IL1RAPL2: variants seen among roughly 807,000 people sequenced by gnomAD.
The protein encoded by IL1RAPL2 is interleukin 1 receptor accessory protein like 2, also known as X-linked interleukin-1 receptor accessory protein-like 2.
In IL1RAPL2, 3 loss-of-function variants were observed where a neutral mutation model predicts 44.1. That is an observed-to-expected ratio of 0.07 (90% CI 0.03 to 0.18). The LOEUF is 0.18. Ranked by LOEUF, IL1RAPL2 falls within the 10% of genes least tolerant of loss-of-function variation. IL1RAPL2 has a pLI of 1.00. For missense variants in IL1RAPL2, 391 were observed against 496.4 expected, an observed-to-expected ratio of 0.79 and a Z score of 2.02; for synonymous variants, 181 against 178.8, an observed-to-expected ratio of 1.01 and a Z score of -0.10.
intron 1 of IL1RAPL2, among the ~76,000 whole-genome samples, chrX:104,576,211 C>T (rs1198240333): frequency 9.0e-6 from 1 of 111,256 alleles, no homozygotes; most frequent in Non-Finnish European, 1.9e-5. Flanking sequence ...TTTGCCTAGT[C>T]ACAAAGCTAT....
intron 9 of IL1RAPL2, among the ~76,000 whole-genome samples, chrX:105,749,811 A>C (rs958251878): frequency 2.7e-5 from 3 of 112,218 alleles, no homozygotes; most frequent in African/African-American, 9.7e-5. Flanking sequence ...ACAAACTGCC[A>C]TGTTTCCAAT....
chrX:105,767,639 G>C lies in IL1RAPL2; in HGVS notation c.2039G>C (p.Ser680Thr), dbSNP rs1569473319. The change falls in exon 11 of 11, where the codon AGC (serine) becomes ACC (threonine). Residue 680 changes from serine to threonine, a missense_variant. By Grantham distance (58) the Ser-to-Thr change is moderately conservative. Transcript: ENST00000372582. ...SLLPLSSKELSFTSDIW is the reference protein window; with the variant it reads ...SLLPLSSKELTFTSDIW Reference sequence around the variant, plus strand: ...CTGCCTTTATCCTCCAAAGAGCTTAGCTTTACCAGTGATATTTGGTAGTGA... The same window carrying C: ...CTGCCTTTATCCTCCAAAGAGCTTACCTTTACCAGTGATATTTGGTAGTGA... 8.3e-7 allele frequency: 1 copy of C among 1,203,322 alleles called. No individual in the cohort carries two copies. Among genetic ancestry groups the C allele is most frequent in the East Asian group, 3.0e-5 (1 of 33,774 alleles).
intron 5 of IL1RAPL2, among the ~76,000 whole-genome samples, chrX:105,462,078 A>T (rs773471170): frequency 9.0e-6 from 1 of 111,151 alleles, no homozygotes; most frequent in South Asian, 3.8e-4. Context: ...GCCACCATGC[A>T]AAACTTTCAT....
chrX:105,447,981 A>T (rs1306166503), intron 5 of IL1RAPL2, among the ~76,000 whole-genome samples: 1 of 102,060 alleles, frequency 9.8e-6, no homozygotes, highest in Non-Finnish European at 1.9e-5. Flanking sequence ...AAATATAAAT[A>T]TATAAATATA....
At chrX:105,272,520 T>C (rs1374499463) in intron 5 of IL1RAPL2, among the ~76,000 whole-genome samples, 1 of 112,143 alleles carries the variant, frequency 8.9e-6, no homozygotes, top group African/African-American at 3.2e-5. Context: ...CTGATTATTG[T>C]AGACAGCTCT....
chrX:104,863,587 A>G (rs1388524785), intron 2 of IL1RAPL2, among the ~76,000 whole-genome samples: 1 of 112,090 alleles, frequency 8.9e-6, no homozygotes, highest in East Asian at 2.8e-4. Context: ...AACGGTGGCC[A>G]AGTGTTCTGT....
intron 6 of IL1RAPL2, among the ~76,000 whole-genome samples, chrX:105,552,864 A>C (rs1471780211): frequency 8.9e-6 from 1 of 112,225 alleles, no homozygotes; most frequent in Non-Finnish European, 1.9e-5. Context: ...CAGTTCACAC[A>C]ATTTATTTGG....
At chrX:104,585,220 GTATATA>G (rs1928486581) in intron 1 of IL1RAPL2, among the ~76,000 whole-genome samples, 1 of 46,419 alleles carries the variant, frequency 2.2e-5, no homozygotes. Flanking sequence ...ACACATATAT[GTATATA>G]TGTGTATATA....
intron 3 of IL1RAPL2, among the ~76,000 whole-genome samples, chrX:105,216,672 T>C (rs2033861362): frequency 9.0e-6 from 1 of 110,787 alleles, no homozygotes; most frequent in Non-Finnish European, 1.9e-5. Context: ...AGAACAAAAC[T>C]GGAGGCATCA....
At chrX:105,441,801 A>G (rs1267401094) in intron 5 of IL1RAPL2, among the ~76,000 whole-genome samples, 1 of 110,992 alleles carries the variant, frequency 9.0e-6, no homozygotes, top group Non-Finnish European at 1.9e-5. Flanking sequence ...GTGTATGTGT[A>G]TGTGTGAAGT....
chrX:104,608,637 T>G lies in IL1RAPL2; in HGVS notation c.-20+41586T>G, dbSNP rs765564137. 2.8e-5 allele frequency among the ~76,000 whole-genome samples: 3 copies of G among 107,773 alleles called. No homozygotes were observed. In the East Asian group the frequency reaches 8.8e-4, roughly 32 times the overall value. The allele number at this position is 107,773 out of a possible 115,157, so 93.6% of individuals were successfully genotyped here. A position where few individuals can be genotyped will look rare whatever the true frequency, so the allele number is the denominator to read the frequency against. ...CTTTGTTGTTTTAAAGTCTGTTTTT[T>G]TAGAGACTAGGATTGCAACCCCTGC... On this transcript the variant is annotated intron_variant, in intron 1 of 10. Coordinates refer to ENST00000372582, the MANE Select transcript of IL1RAPL2 (RefSeq NM_017416.2).
At chrX:105,388,834 T>C (rs1467587809) in intron 5 of IL1RAPL2, among the ~76,000 whole-genome samples, 1 of 111,498 alleles carries the variant, frequency 9.0e-6, no homozygotes, top group Non-Finnish European at 1.9e-5. Context: ...TTGCCTTGAT[T>C]TGCTTTGTGT....
chrX:105,745,351 T>C (rs1366618634), intron 8 of IL1RAPL2, among the ~76,000 whole-genome samples: 6 of 111,901 alleles, frequency 5.4e-5, no homozygotes, highest in Admixed American at 1.9e-4. Context: ...TCCACAACTT[T>C]AGGTATTTGT....
intron 2 of IL1RAPL2, among the ~76,000 whole-genome samples, chrX:105,055,087 A>G: frequency 8.9e-6 from 1 of 112,181 alleles, no homozygotes; most frequent in Admixed American, 9.5e-5. Flanking sequence ...GGCTGCTATA[A>G]CAAAGTCCCA....
intron 2 of IL1RAPL2, among the ~76,000 whole-genome samples, chrX:104,751,678 T>C (rs1932261457): frequency 9.0e-6 from 1 of 111,358 alleles, no homozygotes; most frequent in East Asian, 2.8e-4. Flanking sequence ...AGAAACAAAA[T>C]TCAGAGACCA....
At chrX:104,697,302 A>G (rs1931197536) in intron 2 of IL1RAPL2, among the ~76,000 whole-genome samples, 1 of 112,515 alleles carries the variant, frequency 8.9e-6, no homozygotes, top group Non-Finnish European at 1.9e-5. Context: ...TTTGAAAGAC[A>G]AAAGAGGTGC....
At chrX:105,308,482 A>G (rs760309644) in intron 5 of IL1RAPL2, among the ~76,000 whole-genome samples, 2 of 112,414 alleles carry the variant, frequency 1.8e-5, no homozygotes, top group Non-Finnish European at 3.8e-5. Flanking sequence ...ATCACTCCAG[A>G]AAGTTCTCTT....
At chrX:105,032,760 A>C (rs916747991) in intron 2 of IL1RAPL2, among the ~76,000 whole-genome samples, 1 of 111,126 alleles carries the variant, frequency 9.0e-6, no homozygotes, top group African/African-American at 3.3e-5. Context: ...TACAGAGATG[A>C]GTTCAGTTCC....
chrX:105,056,002 T>C (rs1602925614), intron 2 of IL1RAPL2, among the ~76,000 whole-genome samples: 1 of 112,097 alleles, frequency 8.9e-6, no homozygotes, highest in East Asian at 2.8e-4. Flanking sequence ...CGAATGTCTA[T>C]TCTTTGTGTG....
Sources: gnomAD v4.1 joint callset for allele counts (sites outside exome capture counted in the v4.1 genomes callset) on GRCh38, gnomAD v4.1.1 for gene constraint, MANE v1.5 for transcripts, NCBI Gene and HGNC (gene_info 2026-07-23, HGNC 2026-07-21) for gene names.